The following GFM2 variants were observed in gnomAD, a reference collection of about 807,000 sequenced individuals.
The protein encoded by GFM2 is ribosome-releasing factor 2, mitochondrial.
Under a neutral mutation model 95.4 loss-of-function variants are expected in GFM2, and 72 were observed. That is an observed-to-expected ratio of 0.76 (90% confidence interval 0.62 to 0.92). The LOEUF (loss-of-function observed/expected upper bound fraction) is 0.92, where lower values mean the gene tolerates loss of function less well. GFM2 is among the 40% of genes least tolerant of loss of function. The pLI is 0.00. For missense variants in GFM2, 825 were observed against 924.1 expected (o/e 0.89, Z 1.39); for synonymous variants, 276 against 317.5 (o/e 0.87, Z 1.39).
chr5:74,736,754 T>C (rs1279149970), intron 15 of GFM2, 42 bp downstream of exon 15: 15 of 1,609,378 alleles, frequency 9.3e-6, no homozygotes, highest in Non-Finnish European at 1.3e-5. Flanking sequence ...TTATATAAAT[T>C]ATCAGCGCAC....
At position 74,745,481 on chromosome 5, in the gene GFM2, A is replaced by G. The variant is rs114825302; in HGVS notation, c.849+197T>C. The stretch of plus-strand genomic sequence containing the variant: ...AGGTATTATAAGTAATTTAGAAATG[A>G]TTTAAAGTATAGAGGAAGACATCAA... On this transcript the variant is annotated intron_variant, in intron 10 of 20. Coordinates refer to ENST00000296805, the MANE Select transcript of GFM2 (RefSeq NM_032380.5). 0.013 allele frequency among the ~76,000 whole-genome samples: 2,054 copies of G among 152,336 alleles called. 47 individuals are homozygous for G. Among genetic ancestry groups the G allele is most frequent in the African/African-American group, 0.046 (1,933 of 41,570 alleles).
In GFM2 at chr5:74,763,768, T is replaced by C. The variant is rs374614628; in HGVS notation, c.-24-2A>G. ...CTTGATCCTCCAAACTGTTACTGTC[T>C]GAAAAAATAAATATACAAAATCAAA... On this transcript the variant is annotated splice_acceptor_variant, in intron 1 of 20. Coordinates refer to ENST00000296805, the MANE Select transcript of GFM2 (RefSeq NM_032380.5). LOFTEE classifies it low-confidence loss of function (5UTR_SPLICE). The C allele has an allele frequency of 2.5e-6, 4 of 1,588,336 alleles. No homozygotes were observed. In the African/African-American group the frequency reaches 5.4e-5, roughly 21 times the overall value.
In GFM2 at chr5:74,760,993, A is replaced by C; in HGVS notation, c.64-7T>G. The C allele has an allele frequency of 6.8e-7, 1 of 1,473,164 alleles. No individual in the cohort carries two copies. Among genetic ancestry groups the C allele is most frequent in the South Asian group, 1.2e-5 (1 of 84,594 alleles). 91.3% of individuals were successfully genotyped at this position (1,473,164 alleles called of 1,614,324 possible). On this transcript the variant is annotated splice_region_variant and splice_polypyrimidine_tract_variant and intron_variant, in intron 2 of 20. Transcript: ENST00000296805. Reference sequence around the variant, plus strand: ...TTTTATAGCAGCATATATTCTAGTAAAGAGAAAAAGAAACTTGGCATTAAT... The same window carrying C: ...TTTTATAGCAGCATATATTCTAGTACAGAGAAAAAGAAACTTGGCATTAAT...
intron 10 of GFM2, among the ~76,000 whole-genome samples, chr5:74,744,066 A>ATGTGGTGTT (rs1296939755): frequency 6.6e-6 from 1 of 152,200 alleles, no homozygotes; most frequent in Admixed American, 6.5e-5. Context: ...GTTCTGAGAA[A>ATGTGGTGTT]TGTGGTGTTA....
intron 15 of GFM2, 152 bp downstream of exon 15, chr5:74,736,644 T>G: frequency 6.9e-7 from 1 of 1,448,476 alleles, no homozygotes; most frequent in South Asian, 1.5e-5. Flanking sequence ...TCAAAACATC[T>G]TAAAAAACAA....
intron 1 of GFM2, among the ~76,000 whole-genome samples, chr5:74,766,379 T>C (rs1205377727): frequency 2.0e-5 from 3 of 152,238 alleles, no homozygotes; most frequent in African/African-American, 4.8e-5. Flanking sequence ...GAAAGTATTC[T>C]TTTGGTACAG....
At chr5:74,725,823 A>T (rs1245519349) in intron 18 of GFM2, 68 bp from the exon 19 acceptor site, 7 of 1,449,462 alleles carry the variant, frequency 4.8e-6, no homozygotes, top group Non-Finnish European at 6.8e-6. Flanking sequence ...GAGAAGTGCA[A>T]AGGAATAGGG....
rs1397923599 is a variant in GFM2 at position 74,739,934 on chromosome 5, G to T, written c.1079+55C>A. The T allele has an allele frequency of 2.5e-6, 3 of 1,217,482 alleles. No homozygotes were observed. In the East Asian group the frequency reaches 8.2e-5, roughly 33 times the overall value. 75.4% of individuals were successfully genotyped at this position (1,217,482 alleles called of 1,614,324 possible). ...TTAACTACTTTTCATAAAAGTATTT[G>T]CCTACTTGTTTCTTCAAAGCTATAG... On this transcript the variant is annotated intron_variant, in intron 12 of 20. Coordinates refer to ENST00000296805, the MANE Select transcript of GFM2 (RefSeq NM_032380.5).
chr5:74,735,826 A>G (rs1295216116), intron 15 of GFM2, among the ~76,000 whole-genome samples: 1 of 152,202 alleles, frequency 6.6e-6, no homozygotes, highest in African/African-American at 2.4e-5. Context: ...CAAGAAATGA[A>G]GCCAGGCAAG....
chr5:74,736,741 A>G, intron 15 of GFM2, 55 bp downstream of exon 15: 1 of 1,607,078 alleles, frequency 6.2e-7, no homozygotes, highest in Non-Finnish European at 8.5e-7. Context: ...TATTGCAACT[A>G]TTTTATATAA....
Position 74,725,956 on chromosome 5 carries a change from T to C in GFM2, c.1897A>G (p.Ser633Gly). Reference protein sequence around the residue: ...SQEAIENGIHSACLQGPLLGS... With the variant: ...SQEAIENGIHGACLQGPLLGS... Reference sequence around the variant, plus strand: ...AGTGTCTTACCTTGGAGACATGCGCTGTGAATTCCATTTTCAATGGCCTCT... The same window carrying C: ...AGTGTCTTACCTTGGAGACATGCGCCGTGAATTCCATTTTCAATGGCCTCT... The change falls in exon 18 of 21, where the codon AGC (serine) becomes GGC (glycine). Residue 633 changes from serine (S) to glycine (G), a missense_variant. Physicochemically the swap from Ser to Gly is moderately conservative, Grantham distance 56. Coordinates refer to ENST00000296805, the MANE Select transcript of GFM2 (RefSeq NM_032380.5). 2 of 1,610,678 alleles carry C rather than the reference T, an allele frequency of 1.2e-6. No homozygotes were observed. Among genetic ancestry groups the C allele is most frequent in the Non-Finnish European group, 8.5e-7 (1 of 1,178,830 alleles).
At chr5:74,733,159 T>C (rs1742662157) in intron 15 of GFM2, 61 bp from the exon 16 acceptor site, 5 of 1,257,472 alleles carry the variant, frequency 4.0e-6, no homozygotes, top group Non-Finnish European at 4.6e-6. Context: ...TTATATGTTC[T>C]AGTGGGTAAA....
At chr5:74,722,300 TTAC>T (rs1749932466) in intron 20 of GFM2, 76 bp downstream of exon 20, 1 of 1,113,464 alleles carries the variant, frequency 9.0e-7, no homozygotes, top group Non-Finnish European at 1.3e-6. Flanking sequence ...TTCTTTCAGG[TTAC>T]TGATTGTCTA....
At chr5:74,764,778 G>GTTTT (rs757160377) in intron 1 of GFM2, among the ~76,000 whole-genome samples, 729 of 70,508 alleles carry the variant, frequency 0.01, 15 homozygotes, top group African/African-American at 0.029. Flanking sequence ...TCCCTTTGTT[G>GTTTT]TTTTTTTTTT....
chr5:74,763,031 T>A (rs905519226), intron 2 of GFM2, among the ~76,000 whole-genome samples: 6 of 151,254 alleles, frequency 4.0e-5, no homozygotes, highest in Admixed American at 3.3e-4. Flanking sequence ...TTTAAAGTAA[T>A]CTCTCACTTA....
At position 74,763,751 on chromosome 5, in the gene GFM2, T is replaced by G. The variant is rs749615413; in HGVS notation, c.-9A>C. On this transcript the variant is annotated 5_prime_UTR_variant, in exon 2 of 21. Transcript: ENST00000296805. ...CTCAAGTTGGTCAACATCTTGATCC[T>G]CCAAACTGTTACTGTCTGAAAAAAT... The G allele has an allele frequency of 5.6e-6, 9 of 1,601,800 alleles. No individual in the cohort carries two copies. Among genetic ancestry groups the G allele is most frequent in the Non-Finnish European group, 7.7e-6 (9 of 1,170,056 alleles).
chr5:74,765,511 A>C (rs914935800), intron 1 of GFM2, among the ~76,000 whole-genome samples: 5 of 152,236 alleles, frequency 3.3e-5, no homozygotes, highest in African/African-American at 1.2e-4. Context: ...GGCCTCATTC[A>C]AACAGTGACA....
At chr5:74,728,770 T>TTTTTTTTTTTTTTTTGAGA (rs756604027) in intron 17 of GFM2, among the ~76,000 whole-genome samples, 3 of 113,794 alleles carry the variant, frequency 2.6e-5, no homozygotes, top group African/African-American at 8.2e-5. Flanking sequence ...TTTTTTTTTT[T>TTTTTTTTTTTTTTTTGAGA]TTTTGAGATG....
intron 19 of GFM2, among the ~76,000 whole-genome samples, chr5:74,723,938 A>G (rs1201559991): frequency 2.0e-5 from 3 of 152,136 alleles, no homozygotes; most frequent in Non-Finnish European, 4.4e-5. Context: ...GGTAGAGTAA[A>G]ATATAATCCT....
Sources: gnomAD v4.1 joint callset for allele counts (sites outside exome capture counted in the v4.1 genomes callset) on GRCh38, gnomAD v4.1.1 for gene constraint, MANE v1.5 for transcripts, NCBI Gene and HGNC (gene_info 2026-07-23, HGNC 2026-07-21) for gene names.